NPAS3: variants seen among roughly 807,000 people sequenced by gnomAD.
The protein encoded by NPAS3 is neuronal PAS domain-containing protein 3.
A neutral mutation model predicts 73.1 loss-of-function variants in NPAS3; 14 were observed. The observed-to-expected ratio is 0.19, with a 90% CI of 0.13 to 0.30. The LOEUF (loss-of-function observed/expected upper bound fraction) is 0.30. Ranked by LOEUF, NPAS3 falls within the 10% of genes least tolerant of loss-of-function variation. The pLI is 1.00. For missense variants in NPAS3, 1,096 were observed against 1,250.0 expected (o/e 0.88, Z 1.86); for synonymous variants, 620 against 541.5 (o/e 1.14, Z -2.01).
At chr14:33,595,979 A>C (rs1298074616) in intron 5 of NPAS3, among the ~76,000 whole-genome samples, 2 of 152,258 alleles carry the variant, frequency 1.3e-5, no homozygotes, top group Non-Finnish European at 2.9e-5. Flanking sequence ...TATAGATAGC[A>C]ATAAATGTTT....
At chr14:33,177,068 C>CT (rs1555350272) in intron 2 of NPAS3, among the ~76,000 whole-genome samples, 1 of 70,720 alleles carries the variant, frequency 1.4e-5, no homozygotes, top group African/African-American at 5.6e-5. Context: ...GGCTGTTTAT[C>CT]TTTTTATTAT....
Position 33,769,618 on chromosome 14 carries a change from C to T in NPAS3, c.853-4719C>T, listed in dbSNP as rs114539033. On this transcript the variant is annotated intron_variant, in intron 7 of 11. Coordinates refer to ENST00000356141, the Ensembl canonical transcript of NPAS3. ...AACTCCTGAAGATCTTATTCCAAACCTTTCTTATGGAACATGCTTGTTAAT... is the reference window on the plus strand; with the variant it reads ...AACTCCTGAAGATCTTATTCCAAACTTTTCTTATGGAACATGCTTGTTAAT... 4.2e-3 allele frequency among the ~76,000 whole-genome samples: 644 copies of T among 152,266 alleles called. 3 individuals carry two copies. The highest frequency in any genetic ancestry group is 0.014 in the African/African-American group (584 of 41,552).
intron 3 of NPAS3, among the ~76,000 whole-genome samples, chr14:33,258,532 A>G (rs1479462333): frequency 6.6e-6 from 1 of 152,234 alleles, no homozygotes; most frequent in African/African-American, 2.4e-5. Flanking sequence ...AGTAAAGCTA[A>G]TGTAGGTGGG....
At chr14:33,175,940 G>T (rs2045574821) in intron 2 of NPAS3, among the ~76,000 whole-genome samples, 1 of 151,922 alleles carries the variant, frequency 6.6e-6, no homozygotes, top group African/African-American at 2.4e-5. Flanking sequence ...AAAATCAAAA[G>T]TTACTTATCC....
chr14:33,355,637 A>C (rs145213935), intron 3 of NPAS3, among the ~76,000 whole-genome samples: 1 of 152,054 alleles, frequency 6.6e-6, no homozygotes, highest in African/African-American at 2.4e-5. Flanking sequence ...CTCTCTCCCC[A>C]GTCTCTAAAT....
chr14:33,188,737 T>C (rs950926009), intron 2 of NPAS3, among the ~76,000 whole-genome samples: 1 of 152,202 alleles, frequency 6.6e-6, no homozygotes, highest in African/African-American at 2.4e-5. Flanking sequence ...AAAACTTTTT[T>C]ACATTGAAAT....
chr14:33,455,148 GTGACTAAATC>G (rs1355564853), intron 4 of NPAS3, among the ~76,000 whole-genome samples: 1 of 152,186 alleles, frequency 6.6e-6, no homozygotes, highest in African/African-American at 2.4e-5. Context: ...GTTAATTCAG[GTGACTAAATC>G]TGCAACTGTT....
intron 1 of NPAS3, among the ~76,000 whole-genome samples, chr14:32,943,390 C>G (rs1207114818): frequency 2.6e-5 from 4 of 152,032 alleles, no homozygotes; most frequent in African/African-American, 9.7e-5. Context: ...TTGATCTTCC[C>G]CTGTAATTCT....
intron 5 of NPAS3, among the ~76,000 whole-genome samples, chr14:33,564,659 A>G (rs1464860550): frequency 6.6e-6 from 1 of 152,228 alleles, no homozygotes; most frequent in Non-Finnish European, 1.5e-5. Flanking sequence ...AATTCACATT[A>G]TCGTTGCCAG....
intron 2 of NPAS3, among the ~76,000 whole-genome samples, chr14:33,187,443 C>G (rs910552431): frequency 4.6e-5 from 7 of 152,264 alleles, no homozygotes; most frequent in Middle Eastern, 6.8e-3. Context: ...TTTTTGAACC[C>G]TGCTCCAGAG....
chr14:33,766,027 T>C (rs897453854), intron 7 of NPAS3, among the ~76,000 whole-genome samples: 9 of 152,292 alleles, frequency 5.9e-5, no homozygotes, highest in African/African-American at 1.9e-4. Context: ...CACATCAGCA[T>C]TAGGTGTTGT....
chr14:33,408,584 T>C lies in NPAS3; in HGVS notation c.468+41316T>C, dbSNP rs150873192. Among the ~76,000 whole-genome samples, 150 of 152,310 alleles carry C rather than the reference T, an allele frequency of 9.8e-4. 1 individual carries two copies. The highest frequency in any genetic ancestry group is 3.3e-3 in the African/African-American group (139 of 41,570). ...GCATGAGGTAATTTCAATTATCTTA[T>C]TAAACCGGAACAGAGATCTGGTTGT... On this transcript the variant is annotated intron_variant, in intron 4 of 11. Coordinates refer to ENST00000356141, the Ensembl canonical transcript of NPAS3.
intron 3 of NPAS3, among the ~76,000 whole-genome samples, chr14:33,235,665 C>A (rs2048007353): frequency 6.6e-6 from 1 of 152,014 alleles, no homozygotes; most frequent in Non-Finnish European, 1.5e-5. Context: ...TAGTCCAAAT[C>A]TACTGTCATT....
At chr14:33,728,849 G>A (rs1043033816) in intron 6 of NPAS3, among the ~76,000 whole-genome samples, 10 of 152,202 alleles carry the variant, frequency 6.6e-5, no homozygotes, top group African/African-American at 2.4e-4. Context: ...CTTCCTTAGA[G>A]ATGAATACAA....
intron 6 of NPAS3, among the ~76,000 whole-genome samples, chr14:33,728,167 T>G (rs1462205251): frequency 6.6e-6 from 1 of 152,122 alleles, no homozygotes; most frequent in Non-Finnish European, 1.5e-5. Flanking sequence ...TCTCACCAAG[T>G]AGTAACCCCT....
chr14:33,802,392 G>GAAAA (rs1161378596), downstream of NPAS3: 1 of 92,192 alleles, frequency 1.1e-5, no homozygotes, highest in Non-Finnish European at 2.4e-5. Context: ...AAAAAAAAAA[G>GAAAA]AAAAAAAAAA....
intron 7 of NPAS3, among the ~76,000 whole-genome samples, chr14:33,736,946 G>GA (rs2061538411): frequency 6.6e-6 from 1 of 152,192 alleles, no homozygotes; most frequent in Admixed American, 6.5e-5. Flanking sequence ...CAGTATTTAA[G>GA]AACACGGCAA....
chr14:33,050,529 G>A (rs1335792707), intron 1 of NPAS3, among the ~76,000 whole-genome samples: 2 of 151,776 alleles, frequency 1.3e-5, no homozygotes, highest in Non-Finnish European at 2.9e-5. Context: ...TAAAGGGGAG[G>A]GCCTAGAACT....
chr14:33,530,289 A>G (rs1294263169), intron 4 of NPAS3, among the ~76,000 whole-genome samples: 3 of 152,160 alleles, frequency 2.0e-5, no homozygotes, highest in Non-Finnish European at 2.9e-5. Flanking sequence ...ATCAGCAATC[A>G]CATAACAAAC....
Sources: allele counts gnomAD v4.1 joint callset (sites outside exome capture counted in the v4.1 genomes callset), GRCh38; gene constraint gnomAD v4.1.1; transcripts MANE v1.5; gene names NCBI Gene and HGNC (gene_info 2026-07-23, HGNC 2026-07-21).